Variants in SDK1 observed in about 807,000 individuals in gnomAD.
SDK1 encodes the protein sidekick cell adhesion molecule 1.
Under a neutral mutation model 245.5 loss-of-function variants are expected in SDK1, and 157 were observed. The ratio of observed to expected loss-of-function variants is 0.64; its 90% CI spans 0.56 to 0.73. SDK1 has a LOEUF of 0.73. SDK1 is among the 30% of genes least tolerant of loss of function. The probability of loss-of-function intolerance (pLI) is 0.00; values close to 1 mark genes in which losing one functional copy is unlikely to be tolerated. For synonymous variants in SDK1, 1,647 were observed against 1,278.5 expected (o/e 1.29, Z -6.15); for missense variants, 3,583 against 3,002.3 (o/e 1.19, Z -4.52).
At chr7:3,768,949 G>T (rs1780332041) in intron 4 of SDK1, among the ~76,000 whole-genome samples, 1 of 152,140 alleles carries the variant, frequency 6.6e-6, no homozygotes, top group Non-Finnish European at 1.5e-5. Flanking sequence ...ATTTCTGATG[G>T]TCTTGCCCTG....
intron 1 of SDK1, among the ~76,000 whole-genome samples, chr7:3,372,890 T>C (rs1781262355): frequency 6.6e-6 from 1 of 152,194 alleles, no homozygotes; most frequent in African/African-American, 2.4e-5. Context: ...CTTCAGTCTG[T>C]TTCTTATATT....
In SDK1 at chr7:4,049,442, TGGCATCAACCA is replaced by T; in HGVS notation, c.2700_2710del (p.Asn902GlnfsTer190). The T allele has an allele frequency of 6.2e-7, 1 of 1,613,894 alleles. No homozygotes were observed. Among genetic ancestry groups the T allele is most frequent in the East Asian group, 2.2e-5 (1 of 44,874 alleles). ...ACCCTCCGCCTCAGCAGTTTATCAATGGCATCAACCAGGGATACAAGGTACGTGGCCTGGGT... is the reference window on the plus strand; with the variant it reads ...ACCCTCCGCCTCAGCAGTTTATCAATGGGATACAAGGTACGTGGCCTGGGT... On this transcript the variant is annotated frameshift_variant, in exon 18 of 45. Coordinates refer to ENST00000404826, the MANE Select transcript of SDK1 (RefSeq NM_152744.4). LOFTEE classifies it high-confidence loss of function.
chr7:3,987,692 G>A (rs969551045), intron 14 of SDK1, among the ~76,000 whole-genome samples: 5 of 152,188 alleles, frequency 3.3e-5, no homozygotes, highest in African/African-American at 1.2e-4. Flanking sequence ...TCATGTCTGT[G>A]GGAGGTTTTC....
chr7:4,109,977 G>T (rs978100599), intron 22 of SDK1, among the ~76,000 whole-genome samples: 4 of 152,168 alleles, frequency 2.6e-5, no homozygotes, highest in Non-Finnish European at 5.9e-5. Flanking sequence ...GGAACTTGGA[G>T]GGCACCCTGC....
intron 16 of SDK1, among the ~76,000 whole-genome samples, chr7:4,013,071 G>T (rs1369013347): frequency 5.3e-5 from 8 of 152,176 alleles, no homozygotes; most frequent in Non-Finnish European, 1.2e-4. Flanking sequence ...TTAGATGTTG[G>T]AAATGAAATC....
intron 17 of SDK1, among the ~76,000 whole-genome samples, chr7:4,046,496 A>G (rs1417468386): frequency 6.6e-6 from 1 of 152,200 alleles, no homozygotes; most frequent in Non-Finnish European, 1.5e-5. Context: ...TAAGAAATAT[A>G]GATCTAGATT....
At chr7:3,306,001 C>T (rs1385691425) in intron 1 of SDK1, among the ~76,000 whole-genome samples, 1 of 152,134 alleles carries the variant, frequency 6.6e-6, no homozygotes, top group Non-Finnish European at 1.5e-5. Context: ...AATGAAAAGT[C>T]TGATCCAGAG....
intron 1 of SDK1, among the ~76,000 whole-genome samples, chr7:3,353,937 G>A (rs1780726523): frequency 6.6e-6 from 1 of 151,976 alleles, no homozygotes; most frequent in Admixed American, 6.6e-5. Context: ...CTTGCTCAGG[G>A]AACACATTTC....
intron 1 of SDK1, among the ~76,000 whole-genome samples, chr7:3,330,001 C>G (rs115679853): frequency 1.5e-4 from 23 of 152,180 alleles, no homozygotes; most frequent in African/African-American, 5.6e-4. Flanking sequence ...GGAACCAATC[C>G]GCTATGGATA....
intron 1 of SDK1, among the ~76,000 whole-genome samples, chr7:3,350,654 C>A (rs1159818608): frequency 1.3e-5 from 2 of 152,186 alleles, no homozygotes; most frequent in Non-Finnish European, 2.9e-5. Context: ...TTACCTTGAA[C>A]CACCAGTCAG....
intron 2 of SDK1, among the ~76,000 whole-genome samples, chr7:3,629,915 G>A (rs1470424611): frequency 1.3e-5 from 2 of 152,138 alleles, no homozygotes; most frequent in Admixed American, 6.5e-5. Flanking sequence ...TAACTGTATT[G>A]CATATGATCA....
rs1024966922 is a variant in SDK1 at position 3,717,971 on chromosome 7, A to C, written c.713+75866A>C. Among the ~76,000 whole-genome samples the C allele has an allele frequency of 2.0e-5, 3 of 152,062 alleles. No homozygotes were observed. In the East Asian group the frequency reaches 5.8e-4, roughly 29 times the overall value. On this transcript the variant is annotated intron_variant, in intron 4 of 44. Coordinates refer to ENST00000404826, the MANE Select transcript of SDK1 (RefSeq NM_152744.4). ...CAAAGACAGCATTTAAAAAAAAAAA[A>C]AACTGTAAACCTTTATGTCTCATGA... is the stretch of plus-strand genomic sequence containing the variant.
At chr7:4,007,187 A>G (rs1785547542) in intron 14 of SDK1, among the ~76,000 whole-genome samples, 2 of 152,196 alleles carry the variant, frequency 1.3e-5, no homozygotes. Context: ...GCAATCAAGG[A>G]GGAAGTTTTA....
chr7:3,622,946 T>G (rs1370828500), intron 2 of SDK1, among the ~76,000 whole-genome samples: 1 of 152,156 alleles, frequency 6.6e-6, no homozygotes, highest in Non-Finnish European at 1.5e-5. Flanking sequence ...CTCATACTAT[T>G]TTTTCAAATT....
intron 33 of SDK1, 146 bp downstream of exon 33, chr7:4,174,503 G>T: frequency 3.2e-6 from 3 of 928,420 alleles, no homozygotes; most frequent in Non-Finnish European, 4.9e-6. Flanking sequence ...GAGCAGGCGG[G>T]TTTACCCACC....
chr7:3,671,299 A>C (rs1250525764), intron 4 of SDK1, among the ~76,000 whole-genome samples: 8 of 152,264 alleles, frequency 5.3e-5, no homozygotes, highest in Admixed American at 5.2e-4. Flanking sequence ...TGTTCTCTAG[A>C]ATTCCATCGG....
intron 8 of SDK1, 150 bp from the exon 9 acceptor site, chr7:3,962,507 A>G (rs779965829): frequency 8.1e-5 from 55 of 678,580 alleles, no homozygotes; most frequent in Non-Finnish European, 1.3e-4. Flanking sequence ...CTACAACGAG[A>G]AAAATAGCTC....
chr7:4,044,900 C>T (rs775999458), intron 17 of SDK1, among the ~76,000 whole-genome samples: 15 of 152,174 alleles, frequency 9.9e-5, no homozygotes, highest in Non-Finnish European at 1.9e-4. Context: ...TGTCACCTCC[C>T]CCAAAAGTCT....
At chr7:3,450,813 G>A (rs1315597592) in intron 1 of SDK1, among the ~76,000 whole-genome samples, 1 of 152,278 alleles carries the variant, frequency 6.6e-6, no homozygotes, top group East Asian at 1.9e-4. Context: ...CATGAAGAGA[G>A]AAGAGGGATG....
Sources: allele counts gnomAD v4.1 joint callset (sites outside exome capture counted in the v4.1 genomes callset), GRCh38; gene constraint gnomAD v4.1.1; transcripts MANE v1.5; gene names NCBI Gene and HGNC (gene_info 2026-07-23, HGNC 2026-07-21).